Variants in LYST observed in about 807,000 individuals in gnomAD.
The protein encoded by LYST is lysosomal-trafficking regulator.
LYST carries 192 observed loss-of-function variants against 413.6 expected under a neutral mutation model. That is an observed-to-expected ratio of 0.46 (90% CI 0.41 to 0.52). LYST has a LOEUF of 0.52. Ranked by LOEUF, LYST falls within the 20% of genes least tolerant of loss-of-function variation. The pLI is 0.00. For missense variants in LYST, 3,815 were observed against 4,499.9 expected (o/e 0.85, Z 4.35); for synonymous variants, 1,525 against 1,567.3 (o/e 0.97, Z 0.64).
intron 31 of LYST, chr1:235,738,175 A>C: frequency 6.2e-7 from 1 of 1,609,902 alleles, no homozygotes; most frequent in Non-Finnish European, 8.5e-7. Context: ...GACAAATTGA[A>C]GGGCGAGATG....
intron 1 of LYST, among the ~76,000 whole-genome samples, chr1:235,881,718 C>T (rs981278383): frequency 5.3e-5 from 8 of 152,080 alleles, no homozygotes; most frequent in African/African-American, 1.9e-4. Flanking sequence ...CTGACACATG[C>T]TACAACATGG....
intron 3 of LYST, among the ~76,000 whole-genome samples, chr1:235,820,234 C>T (rs986145871): frequency 1.3e-5 from 2 of 152,162 alleles, no homozygotes; most frequent in South Asian, 4.1e-4. Flanking sequence ...AGATCACAAA[C>T]CGGACTGATG....
At chr1:235,758,878 TA>T in intron 23 of LYST, 93 bp downstream of exon 23, 1 of 1,044,790 alleles carries the variant, frequency 9.6e-7, no homozygotes, top group South Asian at 1.3e-5. Context: ...TGTTGTATTA[TA>T]AGTGGCATAA....
At chr1:235,767,615 A>G (rs574379256) in intron 20 of LYST, among the ~76,000 whole-genome samples, 19 of 151,966 alleles carry the variant, frequency 1.3e-4, no homozygotes, top group African/African-American at 4.6e-4. Flanking sequence ...CTCTTTATCA[A>G]TAGTCACTGG....
intron 22 of LYST, among the ~76,000 whole-genome samples, chr1:235,762,121 A>G (rs532261953): frequency 2.6e-5 from 4 of 152,044 alleles, no homozygotes; most frequent in Non-Finnish European, 5.9e-5. Context: ...CTTAAAGTGT[A>G]ATTATAAAAA....
At chr1:235,689,806 A>G (rs1367037731) in intron 47 of LYST, among the ~76,000 whole-genome samples, 1 of 152,206 alleles carries the variant, frequency 6.6e-6, no homozygotes, top group East Asian at 1.9e-4. Context: ...ATTTTATCCC[A>G]ATAAAGCTAG....
Position 235,793,505 on chromosome 1 carries a change from T to G in LYST, c.4114A>C (p.Thr1372Pro), listed in dbSNP as rs768509594. ...TGTAAAAATTATAGCATATTTACTGTACAAGGAGATTTCTCCAGAAATATT... is the reference window on the plus strand; with the variant it reads ...TGTAAAAATTATAGCATATTTACTGGACAAGGAGATTTCTCCAGAAATATT... ...LRIFLEKSPC[T>P]KILLLGILKI... The change falls in exon 11 of 53, where the codon ACA (threonine) becomes CCA (proline). Residue 1372 changes from threonine (T) to proline (P), a missense_variant and splice_region_variant. Thr to Pro is a conservative substitution (Grantham distance 38, BLOSUM62 -1). Transcript: ENST00000389793. The G allele has an allele frequency of 6.9e-7, 1 of 1,450,012 alleles. No individual in the cohort carries two copies. 89.8% of individuals were successfully genotyped at this position (1,450,012 alleles called of 1,614,324 possible).
chr1:235,795,799 C>T (rs1223122147), intron 10 of LYST, among the ~76,000 whole-genome samples: 1 of 151,736 alleles, frequency 6.6e-6, no homozygotes, highest in Non-Finnish European at 1.5e-5. Flanking sequence ...AATTAGCAAC[C>T]TAAATCAGTA....
Position 235,809,290 on chromosome 1 carries a change from T to C in LYST, c.1528A>G (p.Met510Val). Reference protein sequence around the residue: ...RHRRCEYSHFMHHHRDLSGLL... With the variant: ...RHRRCEYSHFVHHHRDLSGLL... Reference sequence around the variant, plus strand: ...CCTGAGAGATCTCGGTGATGATGCATAAAATGAGAATATTCACATCGTCTG... The same window carrying C: ...CCTGAGAGATCTCGGTGATGATGCACAAAATGAGAATATTCACATCGTCTG... Residue 510 changes from methionine (M) to valine (V), a missense_variant, in exon 5 of 53, where the codon ATG (methionine) becomes GTG (valine). Physicochemically the swap from Met to Val is conservative, Grantham distance 21. This residue lies in a region of LYST where 1,648 missense variants were observed against 1,810.3 expected (regional missense o/e 0.91). Transcript: ENST00000389793. The surrounding 1 kb of genome is among the most constrained non-coding windows in gnomAD (Gnocchi z 4.0). The C allele has an allele frequency of 6.2e-7, 1 of 1,614,070 alleles. No individual in the cohort carries two copies.
chr1:235,709,319 A>G lies in LYST; in HGVS notation c.9926-11T>C. 2 of 1,592,780 alleles carry G rather than the reference A, an allele frequency of 1.3e-6. No homozygotes were observed. The highest frequency in any genetic ancestry group is 1.7e-6 in the Non-Finnish European group (2 of 1,166,340). On this transcript the variant is annotated splice_polypyrimidine_tract_variant and intron_variant, in intron 43 of 52. Coordinates refer to ENST00000389793, the MANE Select transcript of LYST (RefSeq NM_000081.4). ...CACCAAAATCAAAACCTAAAAGAGAAGATTAATATTAATATTTAACTCCCC... is the reference window on the plus strand; with the variant it reads ...CACCAAAATCAAAACCTAAAAGAGAGGATTAATATTAATATTTAACTCCCC...
intron 44 of LYST, among the ~76,000 whole-genome samples, chr1:235,704,026 A>C (rs1661759396): frequency 6.6e-6 from 1 of 152,114 alleles, no homozygotes; most frequent in African/African-American, 2.4e-5. Context: ...CTGTTCCTGC[A>C]TTAGTTTGCT....
chr1:235,748,329 G>C (rs1666124356), intron 28 of LYST, among the ~76,000 whole-genome samples: 1 of 151,904 alleles, frequency 6.6e-6, no homozygotes, highest in Admixed American at 6.6e-5. Context: ...AAGCAGACAA[G>C]TAAAAAAATA....
At chr1:235,874,066 G>C (rs1681041753) in intron 1 of LYST, among the ~76,000 whole-genome samples, 1 of 152,172 alleles carries the variant, frequency 6.6e-6, no homozygotes, top group African/African-American at 2.4e-5. Flanking sequence ...TCAGGGTCAA[G>C]GTAAGGAACA....
chr1:235,792,426 T>C (rs576007372), intron 11 of LYST, among the ~76,000 whole-genome samples: 2 of 152,066 alleles, frequency 1.3e-5, no homozygotes, highest in Admixed American at 1.3e-4. Context: ...GCGATTCTCC[T>C]GCCTCAGCCT....
chr1:235,806,318 T>G lies in LYST; in HGVS notation c.2818A>C (p.Met940Leu). 6.2e-7 allele frequency: 1 copy of G among 1,614,048 alleles called. No homozygotes were observed. Among genetic ancestry groups the G allele is most frequent in the Non-Finnish European group, 8.5e-7 (1 of 1,179,974 alleles). The change falls in exon 6 of 53, where the codon ATG (methionine) becomes CTG (leucine). Residue 940 changes from methionine (M) to leucine (L), a missense_variant. Coordinates refer to ENST00000389793, the MANE Select transcript of LYST (RefSeq NM_000081.4). ...CTCTCGAGAGATATACATGGCAGCA[T>G]ATGACTTAAAGGCTCGCTGGCTGTG... ...DSTASEPLSH[M>L]LPCISLESLV... is the part of the protein sequence containing the mutation.
Position 235,695,626 on chromosome 1 carries a change from C to T in LYST, c.10564+1457G>A, listed in dbSNP as rs200028327. Among the ~76,000 whole-genome samples the T allele has an allele frequency of 3.1e-3, 358 of 115,398 alleles. 1 individual carries two copies. Among genetic ancestry groups the T allele is most frequent in the African/African-American group, 0.011 (343 of 29,880 alleles). The allele number at this position is 115,398 out of a possible 152,430, so 75.7% of individuals were successfully genotyped here. On this transcript the variant is annotated intron_variant, in intron 46 of 52. Transcript: ENST00000389793. ...CAACAGAGAGAAACTTTACAGTACT[C>T]TAATTTTTTTTTTTTTTTTTTTTTG...
chr1:235,883,532 T>A (rs566739109), exon 1 of LYST: 27 of 152,754 alleles, frequency 1.8e-4, no homozygotes, highest in African/African-American at 6.5e-4. Context: ...CTTTCCCACG[T>A]AAGAATGAAT....
intron 22 of LYST, among the ~76,000 whole-genome samples, chr1:235,761,478 T>C (rs1572176960): frequency 6.6e-6 from 1 of 152,202 alleles, no homozygotes; most frequent in Non-Finnish European, 1.5e-5. Flanking sequence ...AGAAAAGTAC[T>C]GTAGGCTTAA....
Position 235,709,264 on chromosome 1 carries a change from C to T in LYST, c.9970G>A (p.Val3324Ile), listed in dbSNP as rs771480883. Residue 3324 changes from valine to isoleucine, a missense_variant, in exon 44 of 53, where the codon GTC becomes ATC. By Grantham distance (29) the Val-to-Ile change is conservative (BLOSUM62 3). Transcript: ENST00000389793. ...TTACGCGCCCAAGGGGGAAGGTTGA[C>T]GTGATTAACCCGTTCACCATTCTGA... is the stretch of plus-strand genomic sequence containing the variant. Reference protein sequence around the residue: ...VRQNGERVNHVNLPPWARNDP... With the variant: ...VRQNGERVNHINLPPWARNDP... The T allele has an allele frequency of 3.1e-6, 5 of 1,613,932 alleles. No individual in the cohort carries two copies. The highest frequency in any genetic ancestry group is 1.7e-5 in the Admixed American group (1 of 59,992).
Sources: allele counts gnomAD v4.1 joint callset (sites outside exome capture counted in the v4.1 genomes callset), GRCh38; gene constraint gnomAD v4.1.1; regional missense constraint gnomAD v4.1.1; non-coding constraint Gnocchi (gnomAD v3.1); transcripts MANE v1.5; gene names NCBI Gene and HGNC (gene_info 2026-07-23, HGNC 2026-07-21).